Variants in MBTPS1 observed in about 807,000 individuals in gnomAD.
MBTPS1 encodes membrane-bound transcription factor site-1 protease.
A neutral mutation model predicts 127.8 loss-of-function variants in MBTPS1; 94 were observed. The ratio of observed to expected loss-of-function variants is 0.74; its 90% CI spans 0.62 to 0.87. The LOEUF is 0.87. Ranked by LOEUF, MBTPS1 falls within the 40% of genes least tolerant of loss-of-function variation. The pLI is 0.00. For synonymous variants in MBTPS1, 632 were observed against 509.4 expected (o/e 1.24, Z -3.24); for missense variants, 1,636 against 1,353.2 (o/e 1.21, Z -3.28).
At chr16:84,110,459 G>T (rs1231260687) in intron 1 of MBTPS1, among the ~76,000 whole-genome samples, 1 of 151,970 alleles carries the variant, frequency 6.6e-6, no homozygotes. Context: ...CTCATATGTT[G>T]CTGGTGAATA....
Position 84,062,898 on chromosome 16 carries a change from A to G in MBTPS1, c.2572+407T>C, listed in dbSNP as rs115250840. 4.8e-3 allele frequency among the ~76,000 whole-genome samples: 728 copies of G among 152,312 alleles called. 11 individuals are homozygous for G. Among genetic ancestry groups the G allele is most frequent in the South Asian group, 0.025 (118 of 4,816 alleles). ...ACAGCCAAGAGCCAGCCCTCCAGTA[A>G]AAGAGTGAGTCAGACCAGAGAAGGG... On this transcript the variant is annotated intron_variant, in intron 19 of 22. Coordinates refer to ENST00000343411, the MANE Select transcript of MBTPS1 (RefSeq NM_003791.4).
Position 84,067,713 on chromosome 16 carries a change from T to C in MBTPS1, c.2182A>G (p.Asn728Asp). 2 of 1,614,166 alleles carry C rather than the reference T, an allele frequency of 1.2e-6. No individual in the cohort carries two copies. The highest frequency in any genetic ancestry group is 1.7e-6 in the Non-Finnish European group (2 of 1,179,954). ...TTCACTTTTCTCATAACAGAAGTGT[T>C]GTACCAGTCACTGAAGATGACGAGC... ...LSLVIFSDWY[N>D]TSVMRKVKFY... Residue 728 changes from asparagine to aspartate, a missense_variant, in exon 16 of 23, where the codon AAC becomes GAC. By Grantham distance (23) the Asn-to-Asp change is conservative. Coordinates refer to ENST00000343411, the MANE Select transcript of MBTPS1 (RefSeq NM_003791.4).
In MBTPS1 at chr16:84,093,270, C is replaced by A. The variant is rs1283444350; in HGVS notation, c.764G>T (p.Gly255Val). 9.3e-6 allele frequency: 15 copies of A among 1,613,778 alleles called. No homozygotes were observed. The highest frequency in any genetic ancestry group is 1.2e-5 in the Non-Finnish European group (14 of 1,179,768). Residue 255 changes from glycine to valine, a missense_variant, in exon 6 of 23, where the codon GGT (glycine) becomes GTT (valine). Transcript: ENST00000343411. ...GCACTCCCTCATGCTGGCTATCACA[C>A]CTGCCACGAATGTGCCATGGCCCAA... The part of the protein sequence containing the change: ...DGLGHGTFVA[G>V]VIASMRECQG...
At chr16:84,101,592 G>C (rs745981634) in intron 2 of MBTPS1, 29 bp downstream of exon 2, 1 of 1,552,060 alleles carries the variant, frequency 6.4e-7, no homozygotes, top group Non-Finnish European at 8.8e-7. Context: ...TAGGATGGGA[G>C]TTCCTAATAC....
chr16:84,054,945 A>G (rs1025188584), intron 22 of MBTPS1, among the ~76,000 whole-genome samples: 4 of 152,022 alleles, frequency 2.6e-5, no homozygotes, highest in African/African-American at 9.7e-5. Context: ...GTCACAACCT[A>G]CCGAAGGGAG....
In MBTPS1 at chr16:84,085,090, G is replaced by A; in HGVS notation, c.1179C>T (p.Thr393=). ...GYGRMKPDIV[T]YGAGVRGSGV... ...CAGAACCCCGCACGCCAGCACCATA[G>A]GTGACAATGTCAGGTTTCATGCGAC... Residue 393 remains threonine (T), a synonymous_variant, in exon 10 of 23, where the codon ACC becomes ACT. Coordinates refer to ENST00000343411, the MANE Select transcript of MBTPS1 (RefSeq NM_003791.4). 1 of 1,614,196 alleles carries A rather than the reference G, an allele frequency of 6.2e-7. No individual in the cohort carries two copies. The highest frequency in any genetic ancestry group is 8.5e-7 in the Non-Finnish European group (1 of 1,180,026).
In MBTPS1 at chr16:84,095,608, A is replaced by G. The variant is rs768833664; in HGVS notation, c.619T>C (p.Tyr207His). 2 of 1,614,140 alleles carry G rather than the reference A, an allele frequency of 1.2e-6. No individual in the cohort carries two copies. Among genetic ancestry groups the G allele is most frequent in the Non-Finnish European group, 1.7e-6 (2 of 1,180,004 alleles). Residue 207 changes from tyrosine to histidine, a missense_variant, in exon 4 of 23, where the codon TAT becomes CAT. Transcript: ENST00000343411. ...CCTGGGTAATAGCACACACCTGTAT[A>G]TCCCATCTGCCAGAGCACATCTGCC... ...LQADVLWQMG[Y>H]TGANVRVAVF...
At chr16:84,071,978 C>T (rs1355375582) in intron 12 of MBTPS1, 1 of 152,188 alleles carries the variant, frequency 6.6e-6, no homozygotes, top group African/African-American at 2.4e-5. Flanking sequence ...GATACCCACC[C>T]CACAAAGAAC....
chr16:84,084,533 A>G (rs899781035), intron 10 of MBTPS1, among the ~76,000 whole-genome samples: 3 of 152,230 alleles, frequency 2.0e-5, no homozygotes, highest in Non-Finnish European at 2.9e-5. Flanking sequence ...ATCATGTTGT[A>G]TATCTTACAT....
chr16:84,112,015 A>T (rs1166645753), intron 1 of MBTPS1, among the ~76,000 whole-genome samples: 1 of 152,166 alleles, frequency 6.6e-6, no homozygotes. Context: ...AGCCTGGCCA[A>T]CATAGCAAAA....
chr16:84,085,702 T>A (rs2086012690), intron 9 of MBTPS1, among the ~76,000 whole-genome samples: 1 of 152,020 alleles, frequency 6.6e-6, no homozygotes, highest in Admixed American at 6.6e-5. Context: ...GGCAAAGGCA[T>A]AAAGCAATTA....
intron 2 of MBTPS1, 121 bp from the exon 3 acceptor site, chr16:84,099,431 G>C (rs1397264002): frequency 5.1e-6 from 5 of 983,216 alleles, no homozygotes; most frequent in South Asian, 1.7e-5. Context: ...CAGCAGACGA[G>C]AGAAAACACA....
intron 1 of MBTPS1, chr16:84,110,788 T>C (rs922576664): frequency 1.3e-5 from 2 of 152,208 alleles, no homozygotes; most frequent in Admixed American, 6.5e-5. Context: ...GAGGCCACAC[T>C]CTTCAGAGGC....
Position 84,055,999 on chromosome 16 carries a change from AC to A in MBTPS1, c.2962+5del. The A allele has an allele frequency of 1.2e-6, 2 of 1,609,064 alleles. No individual in the cohort carries two copies. Among genetic ancestry groups the A allele is most frequent in the Non-Finnish European group, 1.7e-6 (2 of 1,176,944 alleles). Reference sequence around the variant, plus strand: ...GAGCACAATCACAAAGCAGCCGAGAACTCACCTCCAGGAATGTCCCAGGCGC... The same window carrying A: ...GAGCACAATCACAAAGCAGCCGAGAATCACCTCCAGGAATGTCCCAGGCGC... On this transcript the variant is annotated splice_donor_5th_base_variant and intron_variant, in intron 22 of 22. Transcript: ENST00000343411.
At chr16:84,074,004 C>A (rs1231884823) in intron 12 of MBTPS1, among the ~76,000 whole-genome samples, 1 of 151,318 alleles carries the variant, frequency 6.6e-6, no homozygotes, top group African/African-American at 2.4e-5. Context: ...GACACTCTGT[C>A]TCAAAAAAAA....
chr16:84,059,653 C>T (rs1325017775), intron 20 of MBTPS1: 4 of 421,874 alleles, frequency 9.5e-6, no homozygotes, highest in East Asian at 4.3e-5. Flanking sequence ...AAATCAGAAC[C>T]GTTCCCTTGA....
At position 84,099,714 on chromosome 16, in the gene MBTPS1, T is replaced by C. The variant is rs139060827; in HGVS notation, c.164-404A>G. 2.1e-4 allele frequency among the ~76,000 whole-genome samples: 32 copies of C among 151,492 alleles called. 1 individual carries two copies. The East Asian group carries it at 5.2e-3, about 25-fold the overall frequency. Reference sequence around the variant, plus strand: ...ATCACTTGAACCTGGGAGGCGGAGATTGCAGTAAGCAGAGATTGCACCACT... The same window carrying C: ...ATCACTTGAACCTGGGAGGCGGAGACTGCAGTAAGCAGAGATTGCACCACT... On this transcript the variant is annotated intron_variant, in intron 2 of 22. Transcript: ENST00000343411.
chr16:84,083,882 G>A (rs1346722937), intron 10 of MBTPS1, among the ~76,000 whole-genome samples: 1 of 152,144 alleles, frequency 6.6e-6, no homozygotes, highest in African/African-American at 2.4e-5. Context: ...TTACAACTGA[G>A]AGTAAAGAAA....
In MBTPS1 at chr16:84,074,644, C is replaced by T. The variant is rs1017969366; in HGVS notation, c.1546G>A (p.Val516Ile). Residue 516 changes from valine to isoleucine, a missense_variant, in exon 12 of 23, where the codon GTC (valine) becomes ATC (isoleucine). By Grantham distance (29) the Val-to-Ile change is conservative. Transcript: ENST00000343411. ...YYGGMPTVVN[V>I]TILNGMGVTG... ...ACTCCCATGCCGTTGAGGATGGTGA[C>T]ATTAACAACTGTCGGCATTCCTCCA... 1 of 1,614,156 alleles carries T rather than the reference C, an allele frequency of 6.2e-7. No individual in the cohort carries two copies. Among genetic ancestry groups the T allele is most frequent in the Non-Finnish European group, 8.5e-7 (1 of 1,180,002 alleles).
Sources: allele counts gnomAD v4.1 joint callset (sites outside exome capture counted in the v4.1 genomes callset), GRCh38; gene constraint gnomAD v4.1.1; transcripts MANE v1.5; gene names NCBI Gene and HGNC (gene_info 2026-07-23, HGNC 2026-07-21).